The following UBL3 variants were observed in gnomAD, a reference collection of about 807,000 sequenced individuals.
UBL3 encodes the protein ubiquitin like 3, also known as ubiquitin-like protein 3.
UBL3 carries 6 observed loss-of-function variants against 18.4 expected under a neutral mutation model. That is an observed-to-expected ratio of 0.33 (90% CI 0.18 to 0.64). The LOEUF is 0.64. Ranked by LOEUF, UBL3 falls within the 30% of genes least tolerant of loss-of-function variation. The probability of loss-of-function intolerance (pLI) is 0.76; values close to 1 mark genes in which losing one functional copy is unlikely to be tolerated. For missense variants in UBL3, 109 were observed against 142.9 expected (o/e 0.76, Z 1.21); for synonymous variants, 49 against 46.6 (o/e 1.05, Z -0.21).
intron 3 of UBL3, among the ~76,000 whole-genome samples, chr13:29,771,351 T>C (rs1469400074): frequency 6.6e-6 from 1 of 151,990 alleles, no homozygotes; most frequent in Non-Finnish European, 1.5e-5. Context: ...TGGTAGAAAA[T>C]ATACCCCATA....
At chr13:29,794,649 C>A (rs865917582) in intron 1 of UBL3, among the ~76,000 whole-genome samples, 1 of 152,198 alleles carries the variant, frequency 6.6e-6, no homozygotes, top group African/African-American at 2.4e-5. Flanking sequence ...CTGTCAGCAT[C>A]CTAGTTTAGA....
chr13:29,835,136 ATATATATATATATAT>A (rs1878913971), intron 1 of UBL3, among the ~76,000 whole-genome samples: 4 of 8,734 alleles, frequency 4.6e-4, no homozygotes, highest in Non-Finnish European at 6.2e-4. Context: ...ATATATATAT[ATATATATATATATAT>A]ATATATATAT....
intron 3 of UBL3, among the ~76,000 whole-genome samples, chr13:29,769,667 C>T (rs1026311132): frequency 1.3e-5 from 2 of 152,068 alleles, no homozygotes; most frequent in African/African-American, 4.8e-5. Flanking sequence ...AATGCCAAAG[C>T]TTTAGCTGAT....
intron 3 of UBL3, among the ~76,000 whole-genome samples, chr13:29,770,799 G>C (rs9551740): frequency 0.063 from 9,430 of 149,244 alleles, 388 homozygotes; most frequent in East Asian, 0.17. Flanking sequence ...TTAAGAGTTG[G>C]TCCATCTATT....
At chr13:29,781,828 T>TAAAAAAAAAAAA (rs11357100) in intron 1 of UBL3, among the ~76,000 whole-genome samples, 3 of 82,720 alleles carry the variant, frequency 3.6e-5, no homozygotes, top group African/African-American at 5.0e-5. Context: ...TACAAAAAAT[T>TAAAAAAAAAAAA]AAAAAAAAAA....
chr13:29,781,036 A>G (rs1877160732), intron 1 of UBL3, among the ~76,000 whole-genome samples: 1 of 152,154 alleles, frequency 6.6e-6, no homozygotes, highest in South Asian at 2.1e-4. Context: ...TTAGCAGAGC[A>G]TGGTGATGCG....
At chr13:29,844,520 A>C (rs1593679644) in intron 1 of UBL3, among the ~76,000 whole-genome samples, 1 of 152,222 alleles carries the variant, frequency 6.6e-6, no homozygotes, top group African/African-American at 2.4e-5. Flanking sequence ...ATCAAAAATA[A>C]GTTAAATTAT....
rs1475720264 is a variant in UBL3 at position 29,772,213 on chromosome 13, G to C, written c.137-15C>G. On this transcript the variant is annotated splice_polypyrimidine_tract_variant and intron_variant, in intron 2 of 4. Coordinates refer to ENST00000380680, the MANE Select transcript of UBL3 (RefSeq NM_007106.4). ...TTCTTCCCAGTCTGAAAAGAATCCA[G>C]TGTACTGGTTAGGTATATTCCAACA... 2 of 1,602,584 alleles carry C rather than the reference G, an allele frequency of 1.2e-6. No individual in the cohort carries two copies. The highest frequency in any genetic ancestry group is 2.7e-5 in the African/African-American group (2 of 74,590).
At chr13:29,826,776 T>C (rs1878632079) in intron 1 of UBL3, among the ~76,000 whole-genome samples, 2 of 152,194 alleles carry the variant, frequency 1.3e-5, no homozygotes, top group Admixed American at 6.5e-5. Flanking sequence ...ATTGTGATGT[T>C]AGGGTGTCAA....
intron 1 of UBL3, among the ~76,000 whole-genome samples, chr13:29,829,902 T>A (rs1878731378): frequency 6.6e-6 from 1 of 152,244 alleles, no homozygotes; most frequent in African/African-American, 2.4e-5. Flanking sequence ...TTGGGAAAGT[T>A]ACTCTTCTAG....
chr13:29,816,144 T>A (rs1878272540), intron 1 of UBL3, among the ~76,000 whole-genome samples: 1 of 152,088 alleles, frequency 6.6e-6, no homozygotes, highest in Non-Finnish European at 1.5e-5. Flanking sequence ...TAAGACAATA[T>A]GAATGAAAGT....
intron 1 of UBL3, among the ~76,000 whole-genome samples, chr13:29,785,848 G>A (rs1307956457): frequency 2.0e-5 from 3 of 152,074 alleles, no homozygotes; most frequent in Non-Finnish European, 4.4e-5. Flanking sequence ...CAGGAGGGAG[G>A]GATAGTTAGG....
chr13:29,767,207 C>G lies in UBL3; in HGVS notation c.*48G>C. On this transcript the variant is annotated 3_prime_UTR_variant, in exon 5 of 5. Coordinates refer to ENST00000380680, the MANE Select transcript of UBL3 (RefSeq NM_007106.4). ...CAATGTCGGGTCTTTTCTGTCCCAG[C>G]AGCATGAAAGACAAAGACTATATCA... 6.2e-7 allele frequency: 1 copy of G among 1,602,996 alleles called. No individual in the cohort carries two copies. Among genetic ancestry groups the G allele is most frequent in the African/African-American group, 1.3e-5 (1 of 74,620 alleles).
intron 1 of UBL3, among the ~76,000 whole-genome samples, chr13:29,812,473 C>T (rs1056711763): frequency 6.6e-6 from 1 of 151,994 alleles, no homozygotes; most frequent in Non-Finnish European, 1.5e-5. Context: ...CCCAGACATA[C>T]TGAATCATTT....
At chr13:29,771,455 T>G (rs1335582731) in intron 3 of UBL3, among the ~76,000 whole-genome samples, 1 of 152,090 alleles carries the variant, frequency 6.6e-6, no homozygotes. Flanking sequence ...GCACCATTTA[T>G]GCACGTAAGC....
intron 1 of UBL3, among the ~76,000 whole-genome samples, chr13:29,815,023 T>G (rs1194241098): frequency 1.3e-5 from 2 of 152,202 alleles, no homozygotes; most frequent in East Asian, 3.8e-4. Flanking sequence ...CCTCTTCTAT[T>G]AAATATATGT....
At chr13:29,803,422 C>T (rs563791492) in intron 1 of UBL3, among the ~76,000 whole-genome samples, 38 of 152,206 alleles carry the variant, frequency 2.5e-4, no homozygotes, top group African/African-American at 8.9e-4. Flanking sequence ...AGGATCAAAT[C>T]CACACATATC....
intron 1 of UBL3, among the ~76,000 whole-genome samples, chr13:29,824,640 C>A (rs1878568033): frequency 6.6e-6 from 1 of 151,692 alleles, no homozygotes; most frequent in Non-Finnish European, 1.5e-5. Flanking sequence ...CAAAAATTTT[C>A]TCCCATTCTG....
chr13:29,804,788 T>A (rs754374259), intron 1 of UBL3, among the ~76,000 whole-genome samples: 1 of 152,172 alleles, frequency 6.6e-6, no homozygotes, highest in Non-Finnish European at 1.5e-5. Context: ...TTCCAGGTGA[T>A]AGCATAATGA....
Sources: gnomAD v4.1 joint callset for allele counts (sites outside exome capture counted in the v4.1 genomes callset) on GRCh38, gnomAD v4.1.1 for gene constraint, MANE v1.5 for transcripts, NCBI Gene and HGNC (gene_info 2026-07-23, HGNC 2026-07-21) for gene names.